The following PMPCB variants were observed in gnomAD, a reference collection of about 807,000 sequenced individuals.
PMPCB encodes the protein peptidase, mitochondrial processing subunit beta.
Under a neutral mutation model 61.5 loss-of-function variants are expected in PMPCB, and 46 were observed. The observed-to-expected ratio is 0.75, with a 90% CI of 0.59 to 0.96. The LOEUF (loss-of-function observed/expected upper bound fraction) is 0.96. Among genes scored for constraint, PMPCB ranks in the 40% least tolerant of loss-of-function variants. PMPCB has a pLI of 0.00. For missense variants in PMPCB, 590 were observed against 602.4 expected, an observed-to-expected ratio of 0.98 and a Z score of 0.22; for synonymous variants, 191 against 201.6, an observed-to-expected ratio of 0.95 and a Z score of 0.44.
chr7:103,341,517 T>C, the PMPCB span, among the ~76,000 whole-genome samples: 5 of 152,352 alleles, frequency 3.3e-5, no homozygotes, highest in African/African-American at 1.2e-4. Context: ...GCTTCACTAA[T>C]TGCTGCCTGT....
chr7:103,342,094 T>C, the PMPCB span: 1 of 540,404 alleles, frequency 1.9e-6, no homozygotes, highest in Non-Finnish European at 3.0e-6. Flanking sequence ...CGAAAATAAT[T>C]GCAGTCATCC....
downstream of PMPCB, chr7:103,314,700 C>T (rs1286671235): frequency 1.0e-6 from 1 of 967,546 alleles, no homozygotes; most frequent in Non-Finnish European, 1.2e-6. Flanking sequence ...AAACAAGTCA[C>T]TGCTGATTTT....
intron 12 of PMPCB, chr7:103,326,611 A>C (rs1818721511): frequency 6.2e-7 from 1 of 1,612,514 alleles, no homozygotes; most frequent in African/African-American, 1.3e-5. Context: ...TTTTAGAAGG[A>C]ACTGAGTTAT....
At chr7:103,328,846 C>A in intron 12 of PMPCB, 1 of 337,296 alleles carries the variant, frequency 3.0e-6, no homozygotes, top group Non-Finnish European at 5.3e-6. Flanking sequence ...TGTGCCATTT[C>A]CAATTTTGCA....
Position 103,313,955 on chromosome 7 carries a change from A to T in PMPCB, c.*1684A>T. The T allele has an allele frequency of 1.0e-6, 1 of 985,442 alleles. No homozygotes were observed. Among genetic ancestry groups the T allele is most frequent in the Non-Finnish European group, 1.2e-6 (1 of 829,930 alleles). The allele number at this position is 985,442 out of a possible 1,614,324, so 61.0% of individuals were successfully genotyped here. On this transcript the variant is annotated 3_prime_UTR_variant, in exon 13 of 13. Transcript: ENST00000249269. Reference sequence around the variant, plus strand: ...CTACCAGTAGCCTGACTACTACTAGAAACTGCGGCCTGTGAGATCTGTTAA... The same window carrying T: ...CTACCAGTAGCCTGACTACTACTAGTAACTGCGGCCTGTGAGATCTGTTAA...
Position 103,320,762 on chromosome 7 carries a change from C to CATAT in PMPCB, c.*1432-8150_*1432-8147dup, listed in dbSNP as rs71519145. The CATAT allele has an allele frequency of 1.0e-3, 136 of 135,904 alleles. 1 individual carries two copies. In the South Asian group the frequency reaches 0.02, roughly 20 times the overall value. 8.4% of individuals were successfully genotyped at this position (135,904 alleles called of 1,614,324 possible). A position where few individuals can be genotyped will look rare whatever the true frequency, so the allele number is the denominator to read the frequency against. The stretch of plus-strand genomic sequence containing the variant: ...CTGTCACAAAATATATATATATACA[C>CATAT]ATATATATATATATATATATATTCT... On this transcript the variant is annotated intron_variant and NMD_transcript_variant, in intron 12 of 12. Coordinates refer to the PMPCB transcript ENST00000444457.
chr7:103,341,784 G>A, the PMPCB span: 1 of 1,587,082 alleles, frequency 6.3e-7, no homozygotes, highest in Non-Finnish European at 8.6e-7. Context: ...TTGGGATCAA[G>A]TGTTTTCAGC....
the PMPCB span, chr7:103,335,608 C>G: frequency 6.6e-6 from 1 of 151,502 alleles, no homozygotes; most frequent in Non-Finnish European, 1.5e-5. Flanking sequence ...TGCAGTGGTA[C>G]AATCTTCGCT....
Position 103,324,507 on chromosome 7 carries a change from C to T in PMPCB, c.*1432-4424C>T, listed in dbSNP as rs1468840525. The T allele has an allele frequency of 2.0e-6, 3 of 1,496,264 alleles. No individual in the cohort carries two copies. The highest frequency in any genetic ancestry group is 1.8e-6 in the Non-Finnish European group (2 of 1,111,816). 92.7% of individuals were successfully genotyped at this position (1,496,264 alleles called of 1,614,324 possible). ...CAGAAAGAATAAAATATATCTACAT[C>T]TTCAAATGATGAATTCATATCACCA... On this transcript the variant is annotated intron_variant and NMD_transcript_variant, in intron 12 of 12. Coordinates refer to the PMPCB transcript ENST00000444457.
chr7:103,332,511 C>T (rs1340273224), downstream of PMPCB, among the ~76,000 whole-genome samples: 1 of 152,170 alleles, frequency 6.6e-6, no homozygotes, highest in East Asian at 1.9e-4. Context: ...AGTTTATATT[C>T]AGCATTAGAA....
At chr7:103,304,120 T>A (rs867870953) in intron 5 of PMPCB, 80 bp downstream of exon 5, 1 of 1,168,932 alleles carries the variant, frequency 8.6e-7, no homozygotes, top group African/African-American at 1.5e-5. Context: ...TCAAAAAGTA[T>A]GTTTCAGAAA....
chr7:103,332,645 G>A (rs1819021755), downstream of PMPCB, among the ~76,000 whole-genome samples: 1 of 151,590 alleles, frequency 6.6e-6, no homozygotes, highest in African/African-American at 2.4e-5. Context: ...GCGGGGGAGG[G>A]GATGGGGACA....
the PMPCB span, among the ~76,000 whole-genome samples, chr7:103,346,696 A>G: frequency 6.6e-6 from 1 of 152,126 alleles, no homozygotes; most frequent in African/African-American, 2.4e-5. Flanking sequence ...GGTACTTCAT[A>G]TTTGTGGAAT....
chr7:103,313,057 G>A lies in PMPCB; in HGVS notation c.*786G>A. On this transcript the variant is annotated 3_prime_UTR_variant, in exon 13 of 13. Transcript: ENST00000249269. ...TATGTTTTCAAAGCTTGTTCCAAAA[G>A]CTTCTGTTCTTCTGTTGTCCAAGGG... is the stretch of plus-strand genomic sequence containing the variant. 6.2e-7 allele frequency: 1 copy of A among 1,613,940 alleles called. No homozygotes were observed. The highest frequency in any genetic ancestry group is 8.5e-7 in the Non-Finnish European group (1 of 1,179,914).
chr7:103,312,839 T>TA lies in PMPCB; in HGVS notation c.*568_*569insA. 6.6e-7 allele frequency: 1 copy of TA among 1,524,554 alleles called. No homozygotes were observed. Among genetic ancestry groups the TA allele is most frequent in the Non-Finnish European group, 8.8e-7 (1 of 1,142,626 alleles). The allele number at this position is 1,524,554 out of a possible 1,614,324, so 94.4% of individuals were successfully genotyped here. On this transcript the variant is annotated 3_prime_UTR_variant, in exon 13 of 13. Coordinates refer to ENST00000249269, the MANE Select transcript of PMPCB (RefSeq NM_004279.3). The stretch of plus-strand genomic sequence containing the variant: ...AATATTGACCCCATAACTACTGGTT[T>TA]TGAAATAAGCACTATATTATTAACC...
At chr7:103,342,747 T>G in the PMPCB span, among the ~76,000 whole-genome samples, 1 of 151,408 alleles carries the variant, frequency 6.6e-6, no homozygotes, top group South Asian at 2.1e-4. Flanking sequence ...TAGCTGGGAC[T>G]ACAGGCACCC....
In PMPCB at chr7:103,313,297, GAAAAT is replaced by G. The variant is rs1310294235; in HGVS notation, c.*1032_*1036del. 10 of 1,323,020 alleles carry G rather than the reference GAAAAT, an allele frequency of 7.6e-6. No homozygotes were observed. The highest frequency in any genetic ancestry group is 9.6e-6 in the Non-Finnish European group (10 of 1,040,842). The allele number at this position is 1,323,020 out of a possible 1,614,324, so 82.0% of individuals were successfully genotyped here. A position where few individuals can be genotyped will look rare whatever the true frequency, so the allele number is the denominator to read the frequency against. On this transcript the variant is annotated 3_prime_UTR_variant, in exon 13 of 13. Transcript: ENST00000249269. ...AAAATTTCAGATAGCTCACATCCCA[GAAAAT>G]AAAATCTCAAAGGCTTTTAAAACAC...
chr7:103,327,746 T>C (rs760521995), intron 12 of PMPCB: 6 of 1,610,076 alleles, frequency 3.7e-6, no homozygotes, highest in Admixed American at 3.4e-5. Context: ...TTTAAAACCA[T>C]TGCTTTATCT....
chr7:103,307,765 C>A, intron 7 of PMPCB, 57 bp downstream of exon 7: 1 of 927,930 alleles, frequency 1.1e-6, no homozygotes, highest in Non-Finnish European at 1.8e-6. Flanking sequence ...GTTGTATTTA[C>A]ACATAAGTAA....
Sources: allele counts gnomAD v4.1 joint callset (sites outside exome capture counted in the v4.1 genomes callset), GRCh38; gene constraint gnomAD v4.1.1; transcripts MANE v1.5; gene names NCBI Gene and HGNC (gene_info 2026-07-23, HGNC 2026-07-21).